UROS: variants seen among roughly 807,000 people sequenced by gnomAD.
UROS encodes the protein uroporphyrinogen-III synthase.
In UROS, 18 loss-of-function variants were observed where a neutral mutation model predicts 33.0. The ratio of observed to expected loss-of-function variants is 0.55; its 90% CI spans 0.38 to 0.81. UROS has a LOEUF of 0.81. Ranked by LOEUF, UROS falls within the 30% of genes least tolerant of loss-of-function variation. UROS has a pLI of 0.00. For missense variants in UROS, 293 were observed against 314.9 expected (o/e 0.93, Z 0.53); for synonymous variants, 114 against 121.1 (o/e 0.94, Z 0.38).
intron 9 of UROS, among the ~76,000 whole-genome samples, chr10:125,790,177 C>T (rs960528844): frequency 1.2e-4 from 18 of 152,188 alleles, no homozygotes; most frequent in African/African-American, 3.9e-4. Flanking sequence ...GCTCCCACCC[C>T]GCCCACAGTA....
At chr10:125,789,149 T>G (rs1365758450) in intron 9 of UROS, 144 bp from the exon 10 acceptor site, 1 of 1,420,678 alleles carries the variant, frequency 7.0e-7, no homozygotes, top group Non-Finnish European at 9.6e-7. Context: ...ATGACAACAC[T>G]GCCCGATTCT....
At chr10:125,797,146 T>C (rs1410291162) in intron 7 of UROS, among the ~76,000 whole-genome samples, 1 of 152,158 alleles carries the variant, frequency 6.6e-6, no homozygotes, top group Non-Finnish European at 1.5e-5. Flanking sequence ...GTAGAAGGGA[T>C]ACGATCTAGC....
intron 6 of UROS, among the ~76,000 whole-genome samples, chr10:125,800,189 G>T (rs1395583366): frequency 6.6e-6 from 1 of 152,218 alleles, no homozygotes; most frequent in African/African-American, 2.4e-5. Context: ...GGCAGATAGG[G>T]AAGGGTCCCC....
intron 1 of UROS, chr10:125,816,758 C>T (rs1015276711): frequency 1.7e-6 from 1 of 571,714 alleles, no homozygotes; most frequent in Admixed American, 3.0e-5. Context: ...ACAGATGAAA[C>T]CATTAGTGAA....
chr10:125,794,929 C>CA lies in UROS; in HGVS notation c.610_611insT (p.Ser204MetfsTer11). The CA allele has an allele frequency of 1.2e-6, 2 of 1,614,058 alleles. No individual in the cohort carries two copies. The highest frequency in any genetic ancestry group is 1.7e-6 in the Non-Finnish European group (2 of 1,180,028). ...AGATAACTCCTGAATGTGCTTGAGA[C>CA]TGTATGTGAGGCCAGAGGGACTAAA... On this transcript the variant is annotated frameshift_variant, in exon 9 of 10. Transcript: ENST00000368797. LOFTEE classifies it high-confidence loss of function.
intron 1 of UROS, among the ~76,000 whole-genome samples, chr10:125,822,319 A>AT (rs544901269): frequency 0.052 from 7,387 of 142,338 alleles, 575 homozygotes; most frequent in African/African-American, 0.16. Context: ...GCCCCGAAGC[A>AT]TTTTTTTTTT....
chr10:125,787,012 C>CG (rs1284222431), downstream of UROS, among the ~76,000 whole-genome samples: 2 of 152,240 alleles, frequency 1.3e-5, no homozygotes, highest in Non-Finnish European at 2.9e-5. Context: ...TCTCCCGCCC[C>CG]GTATGAGCTC....
intron 1 of UROS, among the ~76,000 whole-genome samples, chr10:125,819,438 G>A (rs1443544791): frequency 1.3e-5 from 2 of 152,148 alleles, no homozygotes; most frequent in Admixed American, 6.5e-5. Context: ...TTGGTGCCAC[G>A]TGACTCAGAT....
intron 6 of UROS, chr10:125,802,137 T>C: frequency 1.0e-6 from 1 of 985,464 alleles, no homozygotes; most frequent in Non-Finnish European, 1.2e-6. Flanking sequence ...GATGACTCTC[T>C]AGAAACAACA....
chr10:125,800,589 T>G, intron 6 of UROS, among the ~76,000 whole-genome samples: 1 of 146,630 alleles, frequency 6.8e-6, no homozygotes, highest in Non-Finnish European at 1.5e-5. Flanking sequence ...TGTGACGGAG[T>G]CTCACTCTTT....
intron 1 of UROS, among the ~76,000 whole-genome samples, chr10:125,820,170 A>T (rs1387739191): frequency 6.6e-6 from 1 of 152,200 alleles, no homozygotes; most frequent in Non-Finnish European, 1.5e-5. Context: ...ATATATTTAC[A>T]TCTAGAAAGG....
intron 6 of UROS, among the ~76,000 whole-genome samples, chr10:125,801,138 G>A (rs757949433): frequency 3.3e-5 from 5 of 152,178 alleles, no homozygotes; most frequent in Non-Finnish European, 7.3e-5. Flanking sequence ...GTGGGCGCCT[G>A]AGTGCTGATA....
intron 5 of UROS, among the ~76,000 whole-genome samples, chr10:125,809,232 T>C (rs1470347174): frequency 6.6e-6 from 1 of 152,180 alleles, no homozygotes; most frequent in East Asian, 1.9e-4. Flanking sequence ...TGGTCTGGGT[T>C]TACAAGGCCA....
chr10:125,812,227 A>G lies in UROS; in HGVS notation c.306T>C (p.Ala102=), dbSNP rs1245036455. 1 of 1,613,940 alleles carries G rather than the reference A, an allele frequency of 6.2e-7. No individual in the cohort carries two copies. ...NAKSVYVVGN[A]TASLVSKIGL... ...TTGACTCCTTACCTAGAGAAGCAGT[A>G]GCATTTCCAACCACATACACTGACT... The change falls in exon 5 of 10, where the codon GCT becomes GCC. Residue 102 remains alanine (A), a synonymous_variant. Transcript: ENST00000368797.
chr10:125,799,785 T>C (rs547033055), intron 6 of UROS, among the ~76,000 whole-genome samples: 3 of 152,156 alleles, frequency 2.0e-5, no homozygotes, highest in South Asian at 4.2e-4. Flanking sequence ...AAGGAGAAAA[T>C]TGAAAATGTC....
At chr10:125,820,895 C>T (rs1299497986) in intron 1 of UROS, among the ~76,000 whole-genome samples, 1 of 152,226 alleles carries the variant, frequency 6.6e-6, no homozygotes, top group African/African-American at 2.4e-5. Flanking sequence ...CTACTACCTG[C>T]TGAGTTCAGT....
intron 7 of UROS, among the ~76,000 whole-genome samples, 164 bp downstream of exon 7, chr10:125,797,901 C>G (rs1564781209): frequency 6.6e-6 from 1 of 152,236 alleles, no homozygotes; most frequent in Admixed American, 6.5e-5. Context: ...GACTGCACGT[C>G]CACTCTTCCC....
chr10:125,797,785 C>T (rs769329407), intron 7 of UROS, among the ~76,000 whole-genome samples: 2 of 152,224 alleles, frequency 1.3e-5, no homozygotes, highest in Non-Finnish European at 2.9e-5. Flanking sequence ...GGGCCACCTC[C>T]ACATCTCGAT....
At chr10:125,787,275 T>G (rs1295554835), downstream of UROS, among the ~76,000 whole-genome samples, 2 of 152,104 alleles carry the variant, frequency 1.3e-5, no homozygotes, top group Non-Finnish European at 2.9e-5. Flanking sequence ...AACAGGGTGT[T>G]TTTCCTCCTC....
Sources: allele counts gnomAD v4.1 joint callset (sites outside exome capture counted in the v4.1 genomes callset), GRCh38; gene constraint gnomAD v4.1.1; transcripts MANE v1.5; gene names NCBI Gene and HGNC (gene_info 2026-07-23, HGNC 2026-07-21).